Variants in ENO4 observed in about 807,000 individuals in gnomAD.
The protein encoded by ENO4 is enolase 4.
In ENO4, 53 loss-of-function variants were observed where a neutral mutation model predicts 63.2. The observed-to-expected ratio is 0.84, with a 90% CI of 0.67 to 1.05. The LOEUF (loss-of-function observed/expected upper bound fraction) is 1.05, where lower values mean the gene tolerates loss of function less well. Among genes scored for constraint, ENO4 ranks in the 50% least tolerant of loss-of-function variants. The probability of loss-of-function intolerance (pLI) is 0.00; values close to 1 mark genes in which losing one functional copy is unlikely to be tolerated. For synonymous variants in ENO4, 266 were observed against 283.8 expected (o/e 0.94, Z 0.63); for missense variants, 719 against 772.0 (o/e 0.93, Z 0.81).
At chr10:116,888,988 G>A (rs760910782) in intron 10 of ENO4, among the ~76,000 whole-genome samples, 3 of 152,224 alleles carry the variant, frequency 2.0e-5, no homozygotes, top group African/African-American at 2.4e-5. Context: ...TCACCATCTT[G>A]GGCCTGGGCC....
intron 10 of ENO4, chr10:116,900,706 G>A (rs775250406): frequency 1.2e-5 from 12 of 984,190 alleles, no homozygotes; most frequent in Non-Finnish European, 1.4e-5. Context: ...GAAAGATGGA[G>A]AATGAATATA....
At chr10:116,861,234 A>ATATATAT (rs1491202440) in intron 6 of ENO4, 44 bp downstream of exon 6, 2 of 404,262 alleles carry the variant, frequency 4.9e-6, no homozygotes, top group Non-Finnish European at 7.3e-6. Context: ...AAAAAAAAAA[A>ATATATAT]AAATATATAT....
At chr10:116,882,683 C>T (rs1847054199), downstream of ENO4, 1 of 152,076 alleles carries the variant, frequency 6.6e-6, no homozygotes, top group Admixed American at 6.6e-5. Flanking sequence ...ACACTGAGGA[C>T]CTCTCCTTTT....
intron 11 of ENO4, among the ~76,000 whole-genome samples, chr10:116,877,484 G>C (rs1564852892): frequency 1.3e-5 from 2 of 152,196 alleles, no homozygotes; most frequent in Non-Finnish European, 2.9e-5. Context: ...TACTTGAGCA[G>C]TTTAGAAAAC....
chr10:116,906,815 A>G, intron 10 of ENO4: 1 of 1,284,324 alleles, frequency 7.8e-7, no homozygotes, highest in Non-Finnish European at 1.0e-6. Context: ...GAATATAAAA[A>G]TCAAACCATG....
intron 1 of ENO4, among the ~76,000 whole-genome samples, chr10:116,853,402 T>G (rs2133242897): frequency 6.6e-6 from 1 of 152,152 alleles, no homozygotes; most frequent in Non-Finnish European, 1.5e-5. Flanking sequence ...GGGATGGAGA[T>G]GATATCACAT....
At chr10:116,857,149 G>A (rs1846287213) in intron 3 of ENO4, among the ~76,000 whole-genome samples, 1 of 152,134 alleles carries the variant, frequency 6.6e-6, no homozygotes, top group African/African-American at 2.4e-5. Context: ...TTTTTCTCCT[G>A]AAAACCATGT....
At chr10:116,912,357 G>T (rs1235509564), downstream of ENO4, among the ~76,000 whole-genome samples, 2 of 152,184 alleles carry the variant, frequency 1.3e-5, no homozygotes, top group Non-Finnish European at 2.9e-5. Flanking sequence ...TTTCACAAGA[G>T]GACAGAGTCG....
chr10:116,855,724 A>C lies in ENO4; in HGVS notation c.267A>C (p.Ile89=). Residue 89 remains isoleucine, a synonymous_variant, in exon 2 of 14, where the codon ATA becomes ATC. Coordinates refer to ENST00000341276, the MANE Select transcript of ENO4 (RefSeq NM_001242699.2). ...GLGLPTLQVD[I]FCTIQNFPKN... ...GGCTTCCAACCCTGCAAGTGGACAT[A>C]TTCTGCACCATTCAAAACTTTCCCA... 6.5e-7 allele frequency: 1 copy of C among 1,535,938 alleles called. No individual in the cohort carries two copies. The highest frequency in any genetic ancestry group is 8.7e-7 in the Non-Finnish European group (1 of 1,146,518).
chr10:116,851,089 T>C (rs1846068865), intron 1 of ENO4, among the ~76,000 whole-genome samples: 1 of 152,230 alleles, frequency 6.6e-6, no homozygotes, highest in Non-Finnish European at 1.5e-5. Flanking sequence ...AGCTACTTAG[T>C]GTACAAGCTA....
chr10:116,897,166 A>C (rs1589783283), intron 10 of ENO4, among the ~76,000 whole-genome samples: 1 of 152,194 alleles, frequency 6.6e-6, no homozygotes, highest in African/African-American at 2.4e-5. Flanking sequence ...TTGGGGCAAC[A>C]GTGAAGGGCT....
chr10:116,879,674 A>G (rs1040958041), intron 12 of ENO4, among the ~76,000 whole-genome samples, 195 bp from the exon 13 acceptor site: 1 of 152,188 alleles, frequency 6.6e-6, no homozygotes, highest in Non-Finnish European at 1.5e-5. Context: ...TGCCTGATGG[A>G]TAGTCAGCCA....
intron 10 of ENO4, among the ~76,000 whole-genome samples, chr10:116,905,717 G>A (rs892024255): frequency 1.3e-5 from 2 of 152,126 alleles, no homozygotes; most frequent in Admixed American, 1.3e-4. Context: ...ACTACTTGAA[G>A]CTGACTGAAC....
intron 7 of ENO4, 75 bp downstream of exon 7, chr10:116,862,927 G>A: frequency 2.0e-6 from 2 of 1,020,194 alleles, no homozygotes; most frequent in East Asian, 2.6e-5. Flanking sequence ...TAGTTCATTT[G>A]GACTTAAATC....
chr10:116,852,438 G>T (rs983311466), intron 1 of ENO4, among the ~76,000 whole-genome samples: 1 of 152,138 alleles, frequency 6.6e-6, no homozygotes, highest in Non-Finnish European at 1.5e-5. Flanking sequence ...TGGCAGATCT[G>T]GTTTTGATTC....
intron 10 of ENO4, chr10:116,901,432 G>C (rs919248218): frequency 2.0e-6 from 2 of 985,250 alleles, no homozygotes; most frequent in South Asian, 9.4e-5. Flanking sequence ...GAACCATTAA[G>C]AGGGATGATC....
In ENO4 at chr10:116,905,325, G is replaced by A. The variant is rs1847928227; in HGVS notation, c.1195-6174G>A. On this transcript the variant is annotated intron_variant, in intron 10 of 10. Transcript: ENST00000369207. ...AAAATGAATAACGATTATATGTTAC[G>A]GGGAGGCTGCATAATGCTCACAAAA... Among the ~76,000 whole-genome samples, 3 of 151,980 alleles carry A rather than the reference G, an allele frequency of 2.0e-5. 1 individual carries two copies. The highest frequency in any genetic ancestry group is 4.1e-4 in the South Asian group (2 of 4,822).
rs534157702 is a variant in ENO4 at position 116,874,231 on chromosome 10, CAT to C, written c.1341+33_1341+34del. ...GCACCCCACCTTCCATATTTTATAA[CAT>C]ATTTTATATGCCATAAGATAGGCAG... On this transcript the variant is annotated intron_variant, in intron 10 of 13. Coordinates refer to ENST00000341276, the MANE Select transcript of ENO4 (RefSeq NM_001242699.2). 109 of 1,499,356 alleles carry C rather than the reference CAT, an allele frequency of 7.3e-5. No individual in the cohort carries two copies. In the Middle Eastern group the frequency reaches 1.0e-3, roughly 14 times the overall value. 92.9% of individuals were successfully genotyped at this position (1,499,356 alleles called of 1,614,324 possible). A position where few individuals can be genotyped will look rare whatever the true frequency, so the allele number is the denominator to read the frequency against.
chr10:116,862,428 G>T lies in ENO4; in HGVS notation c.937-371G>T, dbSNP rs572194582. ...TAGGCCGAGATCATTGCCACTGCAC[G>T]CCAGCCTGGGCAACAGAGTGAAACT... On this transcript the variant is annotated intron_variant, in intron 6 of 13. Coordinates refer to ENST00000341276, the MANE Select transcript of ENO4 (RefSeq NM_001242699.2). 8.6e-4 allele frequency among the ~76,000 whole-genome samples: 131 copies of T among 151,840 alleles called. 2 individuals are homozygous for T. In the South Asian group the frequency reaches 0.026, roughly 31 times the overall value.
Sources: allele counts gnomAD v4.1 joint callset (sites outside exome capture counted in the v4.1 genomes callset), GRCh38; gene constraint gnomAD v4.1.1; transcripts MANE v1.5; gene names NCBI Gene and HGNC (gene_info 2026-07-23, HGNC 2026-07-21).